Variants in ZFHX3 observed in about 807,000 individuals in gnomAD.
The protein encoded by ZFHX3 is zinc finger homeobox 3, also known as zinc finger homeobox protein 3.
Under a neutral mutation model 279.1 loss-of-function variants are expected in ZFHX3, and 42 were observed. The observed-to-expected ratio is 0.15, with a 90% confidence interval of 0.12 to 0.19. The LOEUF (loss-of-function observed/expected upper bound fraction) is 0.19, where lower values mean the gene tolerates loss of function less well. ZFHX3 is among the 10% of genes least tolerant of loss of function. The pLI is 1.00. For synonymous variants in ZFHX3, 2,293 were observed against 1,957.8 expected (o/e 1.17, Z -4.52); for missense variants, 4,981 against 4,754.0 (o/e 1.05, Z -1.40).
At chr16:72,826,713 AGCT>A (rs2143703797) in intron 5 of ZFHX3, among the ~76,000 whole-genome samples, 1 of 152,344 alleles carries the variant, frequency 6.6e-6, no homozygotes, top group East Asian at 1.9e-4. Context: ...ACTATTGTGC[AGCT>A]GGCAAGGTGC....
chr16:73,007,540 G>A (rs775281992), intron 1 of ZFHX3, among the ~76,000 whole-genome samples: 4 of 151,936 alleles, frequency 2.6e-5, no homozygotes, highest in South Asian at 2.1e-4. Flanking sequence ...TCTGCCTCCC[G>A]GGTTCACGCA....
intron 2 of ZFHX3, among the ~76,000 whole-genome samples, chr16:73,491,408 G>C (rs969223215): frequency 8.5e-5 from 13 of 152,332 alleles, no homozygotes; most frequent in African/African-American, 2.9e-4. Flanking sequence ...CATGCAGATA[G>C]CTGGAAAGCA....
chr16:72,942,647 G>A (rs1013469476), intron 3 of ZFHX3, among the ~76,000 whole-genome samples: 1 of 152,172 alleles, frequency 6.6e-6, no homozygotes, highest in Non-Finnish European at 1.5e-5. Flanking sequence ...AGTTTATACT[G>A]GAAATATGTC....
chr16:72,971,511 G>C (rs1204125316), intron 1 of ZFHX3, among the ~76,000 whole-genome samples: 2 of 152,170 alleles, frequency 1.3e-5, no homozygotes, highest in Non-Finnish European at 2.9e-5. Context: ...GTCGGCCTTT[G>C]AAAGTAGGTA....
At chr16:73,876,860 G>C (rs1483948684) in intron 1 of ZFHX3, among the ~76,000 whole-genome samples, 1 of 151,968 alleles carries the variant, frequency 6.6e-6, no homozygotes, top group Non-Finnish European at 1.5e-5. Flanking sequence ...TTCACACACA[G>C]ACACAAAACC....
chr16:73,620,417 C>T (rs1449068413), intron 2 of ZFHX3, among the ~76,000 whole-genome samples: 1 of 152,196 alleles, frequency 6.6e-6, no homozygotes, highest in Non-Finnish European at 1.5e-5. Context: ...CTGTCATTCA[C>T]CAATTCCAAC....
chr16:72,810,571 C>T (rs1488161725), intron 7 of ZFHX3, among the ~76,000 whole-genome samples: 1 of 152,210 alleles, frequency 6.6e-6, no homozygotes. Flanking sequence ...TTTTATATTA[C>T]AATTAGATTT....
intron 4 of ZFHX3, among the ~76,000 whole-genome samples, chr16:73,263,127 T>G (rs979557765): frequency 6.6e-6 from 1 of 152,168 alleles, no homozygotes; most frequent in African/African-American, 2.4e-5. Context: ...GAAAGCTAAC[T>G]GATAACAAAC....
intron 1 of ZFHX3, among the ~76,000 whole-genome samples, chr16:73,682,341 A>G (rs1218103659): frequency 6.6e-6 from 1 of 152,190 alleles, no homozygotes; most frequent in East Asian, 1.9e-4. Flanking sequence ...TATAAAAATT[A>G]GGGGTTTTAA....
intron 1 of ZFHX3, among the ~76,000 whole-genome samples, chr16:72,980,975 C>A (rs977619352): frequency 2.0e-5 from 3 of 151,980 alleles, no homozygotes; most frequent in African/African-American, 7.3e-5. Context: ...TTAAAAGTTA[C>A]CATTCGCTAT....
chr16:73,255,330 T>C (rs528792117), intron 5 of ZFHX3, among the ~76,000 whole-genome samples: 53 of 152,252 alleles, frequency 3.5e-4, no homozygotes, highest in African/African-American at 1.2e-3. Context: ...AGAAACAAGG[T>C]AAACAAATAA....
chr16:73,049,036 C>A (rs892325499), upstream of ZFHX3, among the ~76,000 whole-genome samples: 2 of 152,130 alleles, frequency 1.3e-5, no homozygotes, highest in Non-Finnish European at 2.9e-5. Flanking sequence ...GCGGCCACCC[C>A]AGTTGGTCAA....
chr16:72,921,740 G>A (rs951169670), intron 3 of ZFHX3, among the ~76,000 whole-genome samples: 44 of 152,188 alleles, frequency 2.9e-4, no homozygotes, highest in African/African-American at 8.9e-4. Context: ...TGCCTGGCTC[G>A]GCGCCCAGCG....
chr16:73,011,814 C>A (rs984212009), intron 1 of ZFHX3, among the ~76,000 whole-genome samples: 1 of 151,232 alleles, frequency 6.6e-6, no homozygotes, highest in Admixed American at 6.6e-5. Flanking sequence ...TAAATGCAAC[C>A]AAAATTAAGA....
At chr16:72,907,545 T>TTTTGTGTG (rs1394689944) in intron 3 of ZFHX3, among the ~76,000 whole-genome samples, 42 of 120,404 alleles carry the variant, frequency 3.5e-4, no homozygotes, top group African/African-American at 1.1e-3. Flanking sequence ...TTTCCTCTAT[T>TTTTGTGTG]TGTGTGTGTG....
chr16:73,456,528 G>A (rs1421026221), intron 2 of ZFHX3, among the ~76,000 whole-genome samples: 1 of 152,090 alleles, frequency 6.6e-6, no homozygotes, highest in Non-Finnish European at 1.5e-5. Context: ...TACACAGAAC[G>A]CTTACCACTA....
At chr16:72,946,033 T>C (rs900332117) in intron 3 of ZFHX3, among the ~76,000 whole-genome samples, 10 of 152,338 alleles carry the variant, frequency 6.6e-5, no homozygotes, top group African/African-American at 2.4e-4. Flanking sequence ...ATAGCCCTGC[T>C]GGGAGTGTGA....
intron 8 of ZFHX3, among the ~76,000 whole-genome samples, chr16:73,079,841 G>A (rs1741353096): frequency 6.6e-6 from 1 of 152,202 alleles, no homozygotes; most frequent in African/African-American, 2.4e-5. Context: ...GTGGACAGCT[G>A]GCTCTGATTG....
In ZFHX3 at chr16:73,343,470, A is replaced by T. The variant is rs76504916; in HGVS notation, c.-1290-25134T>A. Among the ~76,000 whole-genome samples, 500 of 152,294 alleles carry T rather than the reference A, an allele frequency of 3.3e-3. 2 individuals carry two copies. The highest frequency in any genetic ancestry group is 5.5e-3 in the Non-Finnish European group (372 of 68,014). On this transcript the variant is annotated intron_variant, in intron 3 of 17. Coordinates refer to the ZFHX3 transcript ENST00000641206. Reference sequence around the variant, plus strand: ...CCACATGCGGTGGCTCACACCTGTAATCTCAGCTCTTTGGGAGGCCGAGGT... The same window carrying T: ...CCACATGCGGTGGCTCACACCTGTATTCTCAGCTCTTTGGGAGGCCGAGGT...
Sources: gnomAD v4.1 joint callset for allele counts (sites outside exome capture counted in the v4.1 genomes callset) on GRCh38, gnomAD v4.1.1 for gene constraint, MANE v1.5 for transcripts, NCBI Gene and HGNC (gene_info 2026-07-23, HGNC 2026-07-21) for gene names.